CWC27: variants seen among roughly 807,000 people sequenced by gnomAD.
CWC27 encodes CWC27 spliceosome associated cyclophilin, also known as spliceosome-associated protein CWC27 homolog.
In CWC27, 47 loss-of-function variants were observed where a neutral mutation model predicts 63.6. The observed-to-expected ratio is 0.74, with a 90% CI of 0.58 to 0.94. CWC27 has a LOEUF of 0.94. Among genes scored for constraint, CWC27 ranks in the 40% least tolerant of loss-of-function variants. The pLI is 0.00. For missense variants in CWC27, 495 were observed against 554.3 expected (o/e 0.89, Z 1.07); for synonymous variants, 175 against 179.8 (o/e 0.97, Z 0.22).
At chr5:64,855,544 ACTAAGTGC>A (rs1746232698) in intron 10 of CWC27, among the ~76,000 whole-genome samples, 1 of 152,152 alleles carries the variant, frequency 6.6e-6, no homozygotes, top group South Asian at 2.1e-4. Flanking sequence ...ATGAATCAAA[ACTAAGTGC>A]CATGAGGAAC....
At chr5:64,772,878 A>G (rs1743316645) in intron 1 of CWC27, among the ~76,000 whole-genome samples, 2 of 151,480 alleles carry the variant, frequency 1.3e-5, no homozygotes, top group Non-Finnish European at 2.9e-5. Context: ...CAGAGGTTGC[A>G]GTGAGCCGAG....
At chr5:64,833,890 A>C (rs548273014) in intron 10 of CWC27, among the ~76,000 whole-genome samples, 1 of 151,712 alleles carries the variant, frequency 6.6e-6, no homozygotes, top group African/African-American at 2.4e-5. Context: ...GATTGAAAGT[A>C]AAAGTACCTA....
Position 64,804,467 on chromosome 5 carries a change from C to G in CWC27, c.938+81C>G, listed in dbSNP as rs756441840. Reference sequence around the variant, plus strand: ...AATTCAGATTGAATCCTCTCTTCAGCTAATTTTTAAAATACTATTTTCATA... The same window carrying G: ...AATTCAGATTGAATCCTCTCTTCAGGTAATTTTTAAAATACTATTTTCATA... On this transcript the variant is annotated intron_variant, in intron 10 of 13. Transcript: ENST00000381070. The G allele has an allele frequency of 6.8e-6, 9 of 1,316,906 alleles. No individual in the cohort carries two copies. The Admixed American group carries it at 7.9e-5, about 12-fold the overall frequency. 81.6% of individuals were successfully genotyped at this position (1,316,906 alleles called of 1,614,324 possible).
At chr5:64,785,695 A>T (rs532159469) in intron 5 of CWC27, 116 bp downstream of exon 5, 5 of 553,242 alleles carry the variant, frequency 9.0e-6, no homozygotes, top group Non-Finnish European at 1.6e-5. Context: ...ATCACAACTC[A>T]AATTTTATCT....
chr5:64,909,944 C>T (rs764763906), intron 11 of CWC27, among the ~76,000 whole-genome samples: 3 of 152,178 alleles, frequency 2.0e-5, no homozygotes, highest in Admixed American at 6.5e-5. Context: ...TCATCAAAAT[C>T]ATTCTCCATC....
chr5:64,970,939 AAGAGAG>A (rs1177013141), intron 11 of CWC27, among the ~76,000 whole-genome samples: 4 of 142,598 alleles, frequency 2.8e-5, no homozygotes, highest in Non-Finnish European at 6.0e-5. Context: ...AGCCAAAGAG[AAGAGAG>A]AGAGAGAGAG....
intron 4 of CWC27, 123 bp from the exon 5 acceptor site, chr5:64,785,358 A>G (rs756054556): frequency 2.2e-5 from 10 of 456,352 alleles, no homozygotes; most frequent in Admixed American, 4.0e-5. Flanking sequence ...TTAAATGCAT[A>G]TATTTTTATG....
chr5:64,907,434 G>A (rs537671609), intron 11 of CWC27, among the ~76,000 whole-genome samples: 1 of 152,130 alleles, frequency 6.6e-6, no homozygotes, highest in African/African-American at 2.4e-5. Context: ...TAACAATTGT[G>A]AATGGGAGTT....
rs759880526 is a variant in CWC27 at position 64,804,273 on chromosome 5, T to C, written c.825T>C (p.Gly275=). 2.2e-5 allele frequency: 35 copies of C among 1,612,852 alleles called. No homozygotes were observed. The highest frequency in any genetic ancestry group is 3.0e-5 in the Non-Finnish European group (35 of 1,179,528). The change falls in exon 10 of 14, where the codon GGT becomes GGC. Residue 275 remains glycine, a synonymous_variant. Transcript: ENST00000381070. ...ESAEHDEYID[G]DEKNLMRERI... ...CAGAGCATGATGAATATATTGATGG[T>C]GATGAAAAGAACCTGATGAGAGAAA...
At chr5:64,831,995 A>G (rs1201464751) in intron 10 of CWC27, among the ~76,000 whole-genome samples, 1 of 151,936 alleles carries the variant, frequency 6.6e-6, no homozygotes, top group Non-Finnish European at 1.5e-5. Flanking sequence ...TTAATAGCAC[A>G]TATATTTGTG....
chr5:65,000,207 G>A (rs1415463505), intron 13 of CWC27, among the ~76,000 whole-genome samples: 1 of 151,958 alleles, frequency 6.6e-6, no homozygotes, highest in East Asian at 1.9e-4. Context: ...TTTAAGCTGT[G>A]TAAGCTCCTT....
chr5:65,004,903 T>C (rs111692775), intron 13 of CWC27, among the ~76,000 whole-genome samples: 17,460 of 58,962 alleles, frequency 0.3, 2,156 homozygotes, highest in African/African-American at 0.34. Context: ...TATATATATA[T>C]ATACATACAC....
At chr5:64,981,049 G>A (rs1286704757) in intron 13 of CWC27, among the ~76,000 whole-genome samples, 1 of 152,010 alleles carries the variant, frequency 6.6e-6, no homozygotes, top group Non-Finnish European at 1.5e-5. Context: ...CCGAGCTCAT[G>A]CCACTGCACT....
intron 7 of CWC27, among the ~76,000 whole-genome samples, chr5:64,791,599 A>T (rs1744082153): frequency 6.6e-6 from 1 of 152,074 alleles, no homozygotes; most frequent in South Asian, 2.1e-4. Flanking sequence ...TTGTGTCATC[A>T]TAGTTTTCTC....
At chr5:64,900,604 A>T (rs1264943087) in intron 11 of CWC27, among the ~76,000 whole-genome samples, 2 of 151,916 alleles carry the variant, frequency 1.3e-5, no homozygotes, top group African/African-American at 4.8e-5. Flanking sequence ...GAATCTAGTT[A>T]TTGGTTCTAA....
intron 4 of CWC27, among the ~76,000 whole-genome samples, chr5:64,784,269 A>T (rs1743803556): frequency 6.6e-6 from 1 of 152,160 alleles, no homozygotes; most frequent in South Asian, 2.1e-4. Flanking sequence ...CACTTAGCCA[A>T]TATTGATTTT....
At chr5:64,986,902 T>A (rs1749444540) in intron 13 of CWC27, among the ~76,000 whole-genome samples, 1 of 152,210 alleles carries the variant, frequency 6.6e-6, no homozygotes, top group Non-Finnish European at 1.5e-5. Flanking sequence ...AACTCTGTAA[T>A]ACATCTAAAA....
At chr5:64,918,942 T>C (rs1747941670) in intron 11 of CWC27, among the ~76,000 whole-genome samples, 1 of 152,192 alleles carries the variant, frequency 6.6e-6, no homozygotes, top group Admixed American at 6.5e-5. Flanking sequence ...CCTTCAAGAT[T>C]ATTGAAAATG....
At chr5:64,864,154 T>A (rs1746482280) in intron 10 of CWC27, among the ~76,000 whole-genome samples, 1 of 152,244 alleles carries the variant, frequency 6.6e-6, no homozygotes, top group Non-Finnish European at 1.5e-5. Context: ...GTTTTCTTAT[T>A]TGTATATCTG....
Sources: gnomAD v4.1 joint callset for allele counts (sites outside exome capture counted in the v4.1 genomes callset) on GRCh38, gnomAD v4.1.1 for gene constraint, MANE v1.5 for transcripts, NCBI Gene and HGNC (gene_info 2026-07-23, HGNC 2026-07-21) for gene names.